The following CNKSR3 variants were observed in gnomAD, a reference collection of about 807,000 sequenced individuals.
CNKSR3 encodes connector enhancer of kinase suppressor of ras 3.
Under a neutral mutation model 67.7 loss-of-function variants are expected in CNKSR3, and 36 were observed. The observed-to-expected ratio is 0.53, with a 90% CI of 0.41 to 0.70. CNKSR3 has a LOEUF of 0.70. Among genes scored for constraint, CNKSR3 ranks in the 30% least tolerant of loss-of-function variants. CNKSR3 has a pLI of 0.00. For missense variants in CNKSR3, 630 were observed against 695.2 expected, an observed-to-expected ratio of 0.91 and a Z score of 1.05; for synonymous variants, 281 against 271.4, an observed-to-expected ratio of 1.04 and a Z score of -0.35.
intron 1 of CNKSR3, among the ~76,000 whole-genome samples, chr6:154,489,038 T>C (rs1211700660): frequency 1.3e-5 from 2 of 151,912 alleles, no homozygotes; most frequent in Non-Finnish European, 2.9e-5. Flanking sequence ...TGGGGTTTTG[T>C]GGGTTTTGAG....
intron 10 of CNKSR3, among the ~76,000 whole-genome samples, chr6:154,412,563 G>GACT (rs1251125478): frequency 6.6e-6 from 1 of 152,166 alleles, no homozygotes; most frequent in Non-Finnish European, 1.5e-5. Flanking sequence ...CAGAGGGAAA[G>GACT]ACTACCTGTA....
intron 1 of CNKSR3, among the ~76,000 whole-genome samples, chr6:154,454,109 AGAGAGAG>A: frequency 2.6e-5 from 1 of 38,266 alleles, no homozygotes; most frequent in East Asian, 1.4e-3. Context: ...ACACACAGAG[AGAGAGAG>A]AGAGAGAGAG....
At chr6:154,470,175 CCTA>C (rs1290098739) in intron 1 of CNKSR3, among the ~76,000 whole-genome samples, 1 of 139,464 alleles carries the variant, frequency 7.2e-6, no homozygotes, top group Non-Finnish European at 1.5e-5. Flanking sequence ...TAATAAAGAA[CCTA>C]CTTTCTTTCC....
At chr6:154,420,512 AC>A (rs777020660) in intron 9 of CNKSR3, among the ~76,000 whole-genome samples, 6 of 151,388 alleles carry the variant, frequency 4.0e-5, no homozygotes, top group Admixed American at 2.6e-4. Context: ...AAACGGTGAA[AC>A]CCCGTCTCTA....
intron 1 of CNKSR3, among the ~76,000 whole-genome samples, chr6:154,481,429 TA>T (rs972506934): frequency 6.6e-6 from 1 of 152,242 alleles, no homozygotes; most frequent in Non-Finnish European, 1.5e-5. Flanking sequence ...CTATTTTATT[TA>T]TAGCAGTCTT....
chr6:154,469,769 A>G (rs4502944), intron 1 of CNKSR3, among the ~76,000 whole-genome samples: 113,704 of 151,916 alleles, frequency 0.75, 43,378 homozygotes, highest in East Asian at 0.9. Context: ...GGGGTTAGGC[A>G]TGCCAACCCC....
At chr6:154,491,656 C>A (rs72999368) in intron 1 of CNKSR3, among the ~76,000 whole-genome samples, 1 of 151,616 alleles carries the variant, frequency 6.6e-6, no homozygotes, top group Non-Finnish European at 1.5e-5. Flanking sequence ...ATTTCCTGAT[C>A]TTCATTTCCA....
intron 1 of CNKSR3, among the ~76,000 whole-genome samples, chr6:154,506,996 A>C (rs548537764): frequency 1.3e-5 from 2 of 152,340 alleles, no homozygotes; most frequent in East Asian, 3.9e-4. Context: ...GAGTGAAGCC[A>C]AACCACCTGC....
In CNKSR3 at chr6:154,442,117, G is replaced by A. The variant is rs149586390; in HGVS notation, c.390C>T (p.Ala130=). 6,105 of 1,610,564 alleles carry A rather than the reference G, an allele frequency of 3.8e-3. 20 individuals are homozygous for A. The highest frequency in any genetic ancestry group is 4.6e-3 in the Non-Finnish European group (5,448 of 1,177,120). The change falls in exon 3 of 13, where the codon GCC becomes GCT. Residue 130 remains alanine, a synonymous_variant. Coordinates refer to ENST00000607772, the MANE Select transcript of CNKSR3 (RefSeq NM_173515.4). ...CCAGCCACGCCAGCAGGGCCTTGGCGGCGCCGATGAGCTCCACCACCGAGG... is the reference window on the plus strand; with the variant it reads ...CCAGCCACGCCAGCAGGGCCTTGGCAGCGCCGATGAGCTCCACCACCGAGG... The part of the protein sequence containing the change: ...FLTSVVELIG[A]AKALLAWLDR...
intron 1 of CNKSR3, among the ~76,000 whole-genome samples, chr6:154,505,324 A>G (rs62432725): frequency 0.22 from 33,400 of 150,770 alleles, 4,482 homozygotes; most frequent in African/African-American, 0.37. Flanking sequence ...GGAAAGAGCA[A>G]GTCCCGTGGC....
intron 1 of CNKSR3, among the ~76,000 whole-genome samples, chr6:154,484,333 C>T (rs894918657): frequency 4.6e-5 from 7 of 152,154 alleles, no homozygotes; most frequent in African/African-American, 9.7e-5. Context: ...ATACCTAATA[C>T]GCAGGCTGTC....
chr6:154,391,244 C>CT lies in CNKSR3; in HGVS notation c.*15109dup. 1.3e-5 allele frequency: 2 copies of CT among 150,102 alleles called. No individual in the cohort carries two copies. Among genetic ancestry groups the CT allele is most frequent in the Non-Finnish European group, 3.0e-5 (2 of 67,434 alleles). 9.3% of individuals were successfully genotyped at this position (150,102 alleles called of 1,614,324 possible). ...GCATTTTAACTGAATCACTTTTTTT[C>CT]TTTTTTTGAGACGGGGTCTCACTCT... On this transcript the variant is annotated 3_prime_UTR_variant, in exon 13 of 13. Transcript: ENST00000607772.
chr6:154,417,589 C>A (rs192012195), intron 9 of CNKSR3, among the ~76,000 whole-genome samples: 4 of 152,112 alleles, frequency 2.6e-5, no homozygotes, highest in Admixed American at 2.0e-4. Context: ...TTCCTGTGTT[C>A]AAATTCTCAC....
chr6:154,454,261 C>T (rs1357475036), intron 1 of CNKSR3, among the ~76,000 whole-genome samples: 1 of 152,072 alleles, frequency 6.6e-6, no homozygotes, highest in African/African-American at 2.4e-5. Flanking sequence ...CTACATAGAA[C>T]TGTAATGAAA....
intron 1 of CNKSR3, among the ~76,000 whole-genome samples, chr6:154,471,566 A>G: frequency 6.6e-6 from 1 of 152,208 alleles, no homozygotes; most frequent in Non-Finnish European, 1.5e-5. Context: ...GAATATAAAT[A>G]TGAAAGCAAA....
intron 9 of CNKSR3, among the ~76,000 whole-genome samples, chr6:154,420,688 CAAAAAAAAAAAAAAA>C (rs1166654953): frequency 2.5e-5 from 2 of 79,386 alleles, no homozygotes; most frequent in Admixed American, 3.1e-4. Context: ...GACTCCGTCT[CAAAAAAAAAAAAAAA>C]AAAAAAAAAA....
At chr6:154,436,617 C>G (rs530668138) in intron 4 of CNKSR3, among the ~76,000 whole-genome samples, 1 of 152,290 alleles carries the variant, frequency 6.6e-6, no homozygotes, top group South Asian at 2.1e-4. Context: ...CCTCTAGTAG[C>G]TGGGCCTCCA....
Position 154,401,405 on chromosome 6 carries a change from A to C in CNKSR3, c.*4949T>G, listed in dbSNP as rs1784716354. On this transcript the variant is annotated 3_prime_UTR_variant, in exon 13 of 13. Coordinates refer to ENST00000607772, the MANE Select transcript of CNKSR3 (RefSeq NM_173515.4). Reference sequence around the variant, plus strand: ...AATGGGAAGATGATGGCTATCAGCAAACCAGGGTAAGGGTGCTCACCAGGA... The same window carrying C: ...AATGGGAAGATGATGGCTATCAGCACACCAGGGTAAGGGTGCTCACCAGGA... 6.6e-6 allele frequency: 1 copy of C among 152,302 alleles called. No individual in the cohort carries two copies. Among genetic ancestry groups the C allele is most frequent in the South Asian group, 2.1e-4 (1 of 4,830 alleles). 9.4% of individuals were successfully genotyped at this position (152,302 alleles called of 1,614,324 possible).
intron 4 of CNKSR3, chr6:154,433,740 A>G: frequency 2.4e-6 from 1 of 425,152 alleles, no homozygotes; most frequent in East Asian, 3.7e-5. Flanking sequence ...TTCTCATCCA[A>G]GGAACCCACT....
Sources: allele counts gnomAD v4.1 joint callset (sites outside exome capture counted in the v4.1 genomes callset), GRCh38; gene constraint gnomAD v4.1.1; transcripts MANE v1.5; gene names NCBI Gene and HGNC (gene_info 2026-07-23, HGNC 2026-07-21).